Variants in DRC2 observed in about 807,000 individuals in gnomAD.
DRC2 encodes the protein dynein regulatory complex subunit 2.
the DRC2 span, chr12:48,904,490 T>C: frequency 6.2e-7 from 1 of 1,612,230 alleles, no homozygotes; most frequent in Non-Finnish European, 8.5e-7. Context: ...TTGCATTATG[T>C]CCTGCTCAAC....
the DRC2 span, chr12:48,904,982 A>C: frequency 1.9e-6 from 3 of 1,613,252 alleles, no homozygotes; most frequent in South Asian, 3.3e-5. Flanking sequence ...CAGTGCTCTG[A>C]ACCTTAATAA....
At chr12:48,917,143 G>A in the DRC2 span, 1 of 1,610,790 alleles carries the variant, frequency 6.2e-7, no homozygotes, top group Non-Finnish European at 8.5e-7. Flanking sequence ...AGAAGTGGGA[G>A]GAGGTGATAG....
At chr12:48,919,550 C>T in the DRC2 span, among the ~76,000 whole-genome samples, 3 of 151,254 alleles carry the variant, frequency 2.0e-5, no homozygotes, top group African/African-American at 7.3e-5. Flanking sequence ...GTTTTATTCA[C>T]TCTGTTGCCC....
At chr12:48,918,349 T>G in the DRC2 span, 2 of 1,614,216 alleles carry the variant, frequency 1.2e-6, no homozygotes, top group Non-Finnish European at 1.7e-6. Context: ...AGTTCCAGGA[T>G]GTACTCAAGA....
chr12:48,912,527 C>T, the DRC2 span, among the ~76,000 whole-genome samples: 1 of 149,900 alleles, frequency 6.7e-6, no homozygotes, highest in Non-Finnish European at 1.5e-5. Flanking sequence ...TAAGAACAAG[C>T]ATTCTAAGGG....
At chr12:48,917,280 C>CCA in the DRC2 span, among the ~76,000 whole-genome samples, 1 of 127,534 alleles carries the variant, frequency 7.8e-6, no homozygotes, top group Non-Finnish European at 1.7e-5. Flanking sequence ...GGGAGTCCCC[C>CCA]CCATCTCTAC....
At chr12:48,907,222 AC>A in the DRC2 span, among the ~76,000 whole-genome samples, 1 of 152,264 alleles carries the variant, frequency 6.6e-6, no homozygotes, top group African/African-American at 2.4e-5. Context: ...CTCAAAAAAA[AC>A]AAAACAAAAC....
chr12:48,917,945 C>G, the DRC2 span, among the ~76,000 whole-genome samples: 3 of 152,282 alleles, frequency 2.0e-5, no homozygotes, highest in South Asian at 4.1e-4. Context: ...TTGGAGATTT[C>G]ACAAAAACAT....
At chr12:48,915,610 C>T in the DRC2 span, among the ~76,000 whole-genome samples, 2 of 152,182 alleles carry the variant, frequency 1.3e-5, no homozygotes, top group African/African-American at 4.8e-5. Flanking sequence ...CTGGCCCGTT[C>T]TCAATGAGCT....
At chr12:48,916,565 G>A in the DRC2 span, among the ~76,000 whole-genome samples, 3 of 127,652 alleles carry the variant, frequency 2.4e-5, no homozygotes, top group South Asian at 2.5e-4. Context: ...GTCCAGCTTC[G>A]GCTCGGCATG....
chr12:48,914,480 A>G, the DRC2 span: 1 of 1,614,244 alleles, frequency 6.2e-7, no homozygotes, highest in Non-Finnish European at 8.5e-7. Flanking sequence ...AATGTTGACC[A>G]GCTCTTGGCC....
chr12:48,918,991 T>C, the DRC2 span: 1 of 954,424 alleles, frequency 1.0e-6, no homozygotes, highest in South Asian at 1.5e-5. Flanking sequence ...TAGCGGGGGC[T>C]TCTTCCTGCT....
At chr12:48,904,866 A>C in the DRC2 span, 1 of 1,239,578 alleles carries the variant, frequency 8.1e-7, no homozygotes. Context: ...GTAAGGTGTC[A>C]GCTGATAAAT....
chr12:48,913,918 G>A, the DRC2 span, among the ~76,000 whole-genome samples: 2 of 138,760 alleles, frequency 1.4e-5, no homozygotes, highest in Non-Finnish European at 3.1e-5. Flanking sequence ...GAGCCACCGT[G>A]CCCAGTCTTT....
chr12:48,918,659 T>C, the DRC2 span: 20 of 1,601,458 alleles, frequency 1.2e-5, no homozygotes, highest in Non-Finnish European at 1.7e-5. Flanking sequence ...CAAGTAGATT[T>C]CCCCTAATCT....
chr12:48,905,251 GAAAT>G, the DRC2 span: 32 of 792,310 alleles, frequency 4.0e-5, no homozygotes, highest in Non-Finnish European at 5.8e-5. Flanking sequence ...GGTTTTCACA[GAAAT>G]AAAAAATAGA....
At chr12:48,914,298 A>G in the DRC2 span, 1 of 1,165,246 alleles carries the variant, frequency 8.6e-7, no homozygotes. Context: ...CTTAAAGTCA[A>G]AGAATTGGCA....
the DRC2 span, among the ~76,000 whole-genome samples, chr12:48,919,202 C>T: frequency 6.6e-6 from 1 of 150,524 alleles, no homozygotes; most frequent in South Asian, 2.1e-4. Context: ...CGTGAGCCAC[C>T]CTGGTGAGCC....
the DRC2 span, among the ~76,000 whole-genome samples, chr12:48,912,347 G>A: frequency 2.0e-5 from 3 of 146,690 alleles, no homozygotes; most frequent in East Asian, 4.1e-4. Flanking sequence ...GGAGAATGGC[G>A]TGAACCCGGG....
Sources: gnomAD v4.1 joint callset for allele counts (sites outside exome capture counted in the v4.1 genomes callset) on GRCh38, gnomAD v4.1.1 for gene constraint, MANE v1.5 for transcripts, NCBI Gene and HGNC (gene_info 2026-07-23, HGNC 2026-07-21) for gene names.